Variants in ALDH1A1 observed in about 807,000 individuals in gnomAD.
ALDH1A1 encodes aldehyde dehydrogenase 1A1.
A neutral mutation model predicts 62.1 loss-of-function variants in ALDH1A1; 19 were observed. The observed-to-expected ratio is 0.31, with a 90% CI of 0.21 to 0.45. The LOEUF is 0.45. Ranked by LOEUF, ALDH1A1 falls within the 20% of genes least tolerant of loss-of-function variation. The pLI is 1.00. For synonymous variants in ALDH1A1, 231 were observed against 215.9 expected (o/e 1.07, Z -0.61); for missense variants, 521 against 607.1 (o/e 0.86, Z 1.49).
chr9:72,904,458 T>C (rs1400436946), intron 12 of ALDH1A1, among the ~76,000 whole-genome samples: 7 of 152,126 alleles, frequency 4.6e-5, no homozygotes, highest in African/African-American at 1.4e-4. Context: ...TAATGTTCCA[T>C]GCAAGAAAGC....
At chr9:72,927,063 A>C (rs1158308635) in intron 5 of ALDH1A1, 53 bp downstream of exon 5, 10 of 1,278,064 alleles carry the variant, frequency 7.8e-6, no homozygotes, top group Admixed American at 2.2e-5. Context: ...ATCATTAGAT[A>C]GAATAAGAAC....
intron 9 of ALDH1A1, among the ~76,000 whole-genome samples, chr9:72,916,333 AAGAG>A (rs558709135): frequency 7.9e-5 from 12 of 151,950 alleles, no homozygotes; most frequent in Non-Finnish European, 1.2e-4. Context: ...ATCTTTGGAT[AAGAG>A]AGAGAGAGAC....
At chr9:72,920,908 G>A (rs1216268500) in intron 7 of ALDH1A1, among the ~76,000 whole-genome samples, 1 of 152,210 alleles carries the variant, frequency 6.6e-6, no homozygotes, top group Non-Finnish European at 1.5e-5. Context: ...CATGAAAATG[G>A]TCTAGCTTAT....
intron 4 of ALDH1A1, among the ~76,000 whole-genome samples, chr9:72,928,540 T>C (rs1299469714): frequency 6.6e-6 from 1 of 152,222 alleles, no homozygotes; most frequent in Non-Finnish European, 1.5e-5. Context: ...AATGTCAGTA[T>C]TGGAATAAAA....
chr9:72,941,258 T>G lies in ALDH1A1; in HGVS notation c.67-1006A>C, dbSNP rs1231110459. Among the ~76,000 whole-genome samples the G allele has an allele frequency of 2.6e-5, 4 of 152,260 alleles. No homozygotes were observed. The East Asian group carries it at 7.7e-4, about 29-fold the overall frequency. Reference sequence around the variant, plus strand: ...ATATCTAAAGATAAGTTATTAATAGTTCAACCCCGAGGGAGAATGTAATGA... The same window carrying G: ...ATATCTAAAGATAAGTTATTAATAGGTCAACCCCGAGGGAGAATGTAATGA... On this transcript the variant is annotated intron_variant, in intron 1 of 12. Coordinates refer to ENST00000297785, the MANE Select transcript of ALDH1A1 (RefSeq NM_000689.5).
intron 7 of ALDH1A1, among the ~76,000 whole-genome samples, chr9:72,920,073 T>TC (rs772912458): frequency 1.7e-4 from 26 of 152,264 alleles, no homozygotes; most frequent in South Asian, 4.1e-4. Context: ...TTTCTAGGTT[T>TC]CTTTTTTTTA....
intron 12 of ALDH1A1, among the ~76,000 whole-genome samples, chr9:72,903,399 C>T (rs531920782): frequency 3.4e-4 from 51 of 152,082 alleles, no homozygotes; most frequent in Non-Finnish European, 6.3e-4. Flanking sequence ...CCATTTTTCG[C>T]TCTTTGAGGA....
At chr9:72,902,306 T>C (rs1829815788) in intron 12 of ALDH1A1, among the ~76,000 whole-genome samples, 1 of 152,030 alleles carries the variant, frequency 6.6e-6, no homozygotes. Flanking sequence ...ATAAGAGTAG[T>C]CTCAAAATCA....
At chr9:72,937,617 G>A (rs1168280342) in intron 2 of ALDH1A1, among the ~76,000 whole-genome samples, 1 of 152,150 alleles carries the variant, frequency 6.6e-6, no homozygotes, top group African/African-American at 2.4e-5. Context: ...CTTGAACTAG[G>A]TCCTGAGGAC....
intron 1 of ALDH1A1, among the ~76,000 whole-genome samples, chr9:72,944,411 T>C (rs573397960): frequency 4.6e-5 from 7 of 152,228 alleles, no homozygotes; most frequent in African/African-American, 1.7e-4. Flanking sequence ...GAAGGCCAGG[T>C]ATTGCCCAGT....
At position 72,912,226 on chromosome 9, in the gene ALDH1A1, T is replaced by G. The variant is rs182982351; in HGVS notation, c.1036-104A>C. 1.2e-4 allele frequency: 100 copies of G among 860,930 alleles called. No individual in the cohort carries two copies. In the African/African-American group the frequency reaches 1.6e-3, roughly 13 times the overall value. 53.3% of individuals were successfully genotyped at this position (860,930 alleles called of 1,614,324 possible). On this transcript the variant is annotated intron_variant, in intron 9 of 12. Transcript: ENST00000297785. ...GCTTCAAAATGCTAAAATATTGCAA[T>G]TAAACCAAATATTGAATCGAAACAG...
intron 7 of ALDH1A1, among the ~76,000 whole-genome samples, chr9:72,921,096 A>G (rs1480617059): frequency 6.6e-6 from 1 of 151,942 alleles, no homozygotes; most frequent in Non-Finnish European, 1.5e-5. Flanking sequence ...AAGTACAAAA[A>G]ATTAGCTGGG....
chr9:72,943,876 C>T (rs1830444419), intron 1 of ALDH1A1, among the ~76,000 whole-genome samples: 1 of 151,358 alleles, frequency 6.6e-6, no homozygotes, highest in South Asian at 2.1e-4. Context: ...GCGGTGTTGT[C>T]AATAAATGGT....
chr9:72,931,595 A>T (rs1265471304), intron 2 of ALDH1A1, among the ~76,000 whole-genome samples: 1 of 152,178 alleles, frequency 6.6e-6, no homozygotes, highest in East Asian at 1.9e-4. Flanking sequence ...GTCTCTGGTG[A>T]CTCAACAGCC....
intron 1 of ALDH1A1, 117 bp from the exon 2 acceptor site, chr9:72,940,369 C>T: frequency 1.4e-6 from 1 of 707,442 alleles, no homozygotes; most frequent in Admixed American, 2.3e-5. Context: ...CATCTCTTCA[C>T]CTCTCAAAAC....
intron 10 of ALDH1A1, 150 bp downstream of exon 10, chr9:72,911,808 A>T: frequency 1.1e-6 from 1 of 893,742 alleles, no homozygotes; most frequent in Non-Finnish European, 1.7e-6. Context: ...TATCACAAAT[A>T]ACTTAAACCT....
At chr9:72,901,414 C>G (rs1588127311) in intron 12 of ALDH1A1, 134 bp from the exon 13 acceptor site, 1 of 531,406 alleles carries the variant, frequency 1.9e-6, no homozygotes, top group East Asian at 2.9e-5. Context: ...GTGTACAGAG[C>G]ATTTTATATA....
chr9:72,918,120 A>G (rs1830086462), intron 8 of ALDH1A1, among the ~76,000 whole-genome samples: 1 of 152,228 alleles, frequency 6.6e-6, no homozygotes, highest in African/African-American at 2.4e-5. Context: ...ATTAACTTCT[A>G]TTTAGGAAAT....
intron 1 of ALDH1A1, among the ~76,000 whole-genome samples, chr9:72,941,264 C>T (rs1369165967): frequency 6.6e-6 from 1 of 152,008 alleles, no homozygotes; most frequent in Non-Finnish European, 1.5e-5. Context: ...ATAGTTCAAC[C>T]CCGAGGGAGA....
Sources: gnomAD v4.1 joint callset for allele counts (sites outside exome capture counted in the v4.1 genomes callset) on GRCh38, gnomAD v4.1.1 for gene constraint, MANE v1.5 for transcripts, NCBI Gene and HGNC (gene_info 2026-07-23, HGNC 2026-07-21) for gene names.